Variants in RAB20 observed in about 807,000 individuals in gnomAD.
RAB20 encodes the protein RAB20, member RAS oncogene family, also known as ras-related protein Rab-20.
Under a neutral mutation model 3.7 loss-of-function variants are expected in RAB20, and 2 were observed. The ratio of observed to expected loss-of-function variants is 0.54; its 90% CI spans 0.22 to 1.69. RAB20 has a LOEUF of 1.69. Among genes scored for constraint, RAB20 ranks in the 40% most tolerant of loss-of-function variants. RAB20 has a pLI of 0.19. For missense variants in RAB20, 276 were observed against 311.9 expected (o/e 0.88, Z 0.87); for synonymous variants, 126 against 130.8 (o/e 0.96, Z 0.25).
chr13:110,523,939 C>T lies in RAB20; in HGVS notation c.431G>A (p.Arg144Lys). 5 of 1,614,168 alleles carry T rather than the reference C, an allele frequency of 3.1e-6. No homozygotes were observed. The highest frequency in any genetic ancestry group is 4.2e-6 in the Non-Finnish European group (5 of 1,180,024). Residue 144 changes from arginine to lysine, a missense_variant, in exon 2 of 2, where the codon AGG becomes AAG. By Grantham distance (26) the Arg-to-Lys change is conservative (BLOSUM62 2). Transcript: ENST00000267328. The stretch of plus-strand genomic sequence containing the variant: ...CTCCAGCTGCACCTGCTTAGGTGCC[C>T]TTGGGGAGACACGGTCCCCAGCGTC... ...NMDAGDRVSPRAPKQVQLEDA... is the reference protein window; with the variant it reads ...NMDAGDRVSPKAPKQVQLEDA...
At chr13:110,525,717 G>A (rs368817) in intron 1 of RAB20, among the ~76,000 whole-genome samples, 106,718 of 152,244 alleles carry the variant, frequency 0.7, 37,534 homozygotes, top group Middle Eastern at 0.73. Context: ...AGCCGAGCAC[G>A]CCTGCTGGTA....
chr13:110,548,445 C>T (rs994904643), intron 1 of RAB20, among the ~76,000 whole-genome samples: 20 of 151,986 alleles, frequency 1.3e-4, no homozygotes, highest in Admixed American at 6.6e-4. Flanking sequence ...GATCACACCA[C>T]TGTACTCCAG....
chr13:110,543,503 T>G (rs1884801303), intron 1 of RAB20, among the ~76,000 whole-genome samples: 1 of 152,238 alleles, frequency 6.6e-6, no homozygotes, highest in Non-Finnish European at 1.5e-5. Flanking sequence ...ATTTTGGATA[T>G]TAATCCCTTA....
chr13:110,561,525 CG>C lies in RAB20; in HGVS notation c.-7del. 2.6e-6 allele frequency: 4 copies of C among 1,560,266 alleles called. No individual in the cohort carries two copies. The highest frequency in any genetic ancestry group is 3.5e-6 in the Non-Finnish European group (4 of 1,153,750). On this transcript the variant is annotated 5_prime_UTR_variant, in exon 1 of 2. Transcript: ENST00000267328. Reference sequence around the variant, plus strand: ...TTGCTGTCGGGCTTCCTCATCTTCCCGTAAGAACCCCCAGCGCCCCCGCGCC... The same window carrying C: ...TTGCTGTCGGGCTTCCTCATCTTCCCTAAGAACCCCCAGCGCCCCCGCGCC...
chr13:110,530,119 C>T (rs1462639353), intron 1 of RAB20, among the ~76,000 whole-genome samples: 1 of 150,886 alleles, frequency 6.6e-6, no homozygotes, highest in Non-Finnish European at 1.5e-5. Flanking sequence ...GAGGCAGGTC[C>T]CACCACCCCA....
intron 1 of RAB20, among the ~76,000 whole-genome samples, chr13:110,550,226 CTG>C (rs1462904819): frequency 2.0e-5 from 3 of 152,206 alleles, no homozygotes; most frequent in African/African-American, 7.2e-5. Flanking sequence ...GACCCCAACT[CTG>C]TGGCACCCCA....
In RAB20 at chr13:110,561,548, C is replaced by T. The variant is rs1216839977; in HGVS notation, c.-29G>A. ...CCCGTAAGAACCCCCAGCGCCCCCG[C>T]GCCCTCTCCCCGAGGCTGGCCGGCT... is the stretch of plus-strand genomic sequence containing the variant. On this transcript the variant is annotated 5_prime_UTR_variant, in exon 1 of 2. Coordinates refer to ENST00000267328, the MANE Select transcript of RAB20 (RefSeq NM_017817.3). 1 of 1,536,220 alleles carries T rather than the reference C, an allele frequency of 6.5e-7. No homozygotes were observed. Among genetic ancestry groups the T allele is most frequent in the Non-Finnish European group, 8.8e-7 (1 of 1,142,508 alleles).
chr13:110,532,431 C>A (rs1884557777), intron 1 of RAB20, among the ~76,000 whole-genome samples: 2 of 152,114 alleles, frequency 1.3e-5, no homozygotes, highest in African/African-American at 2.4e-5. Flanking sequence ...GGCTGGAGTG[C>A]AGTGATGCAA....
chr13:110,543,289 T>C (rs1884797249), intron 1 of RAB20, among the ~76,000 whole-genome samples: 1 of 152,104 alleles, frequency 6.6e-6, no homozygotes, highest in African/African-American at 2.4e-5. Context: ...CCACCTCCCC[T>C]GGCTAATTTT....
intron 1 of RAB20, among the ~76,000 whole-genome samples, chr13:110,554,362 C>T (rs1446888819): frequency 6.6e-6 from 1 of 152,188 alleles, no homozygotes; most frequent in Non-Finnish European, 1.5e-5. Context: ...GCCTCCACCC[C>T]ATTCCGTTAG....
rs1394234153 is a variant in RAB20 at position 110,561,451 on chromosome 13, C to T, written c.69G>A (p.Gln23=). The part of the protein sequence containing the change: ...DMNVGKTSLL[Q]RYMERRFPDT... ...CCGGGAAGCGCCGCTCCATATACCG[C>T]TGCAGCAGCGACGTCTTCCCCACGT... The change falls in exon 1 of 2, where the codon CAG becomes CAA. Residue 23 remains glutamine (Q), a synonymous_variant. Coordinates refer to ENST00000267328, the MANE Select transcript of RAB20 (RefSeq NM_017817.3). The T allele has an allele frequency of 1.9e-6, 3 of 1,606,276 alleles. No homozygotes were observed. Among genetic ancestry groups the T allele is most frequent in the Non-Finnish European group, 1.7e-6 (2 of 1,176,468 alleles).
intron 1 of RAB20, among the ~76,000 whole-genome samples, chr13:110,533,281 T>C (rs1480000374): frequency 6.6e-6 from 1 of 152,220 alleles, no homozygotes; most frequent in African/African-American, 2.4e-5. Flanking sequence ...TTTTGTAAAG[T>C]TGATGAGTTT....
chr13:110,539,919 T>G (rs1344365240), intron 1 of RAB20, among the ~76,000 whole-genome samples: 1 of 152,246 alleles, frequency 6.6e-6, no homozygotes, highest in Non-Finnish European at 1.5e-5. Flanking sequence ...TTCTTGATGA[T>G]CTGAAGGATA....
intron 1 of RAB20, among the ~76,000 whole-genome samples, chr13:110,535,639 T>C (rs1011339108): frequency 2.0e-5 from 3 of 152,242 alleles, no homozygotes; most frequent in African/African-American, 2.4e-5. Context: ...TTCCATTAAA[T>C]GCCTGTGCAG....
Position 110,530,050 on chromosome 13 carries a change from C to T in RAB20, c.173-5853G>A, listed in dbSNP as rs554536882. 3.1e-4 allele frequency among the ~76,000 whole-genome samples: 47 copies of T among 152,306 alleles called. No homozygotes were observed. The South Asian group carries it at 5.6e-3, about 18-fold the overall frequency. On this transcript the variant is annotated intron_variant, in intron 1 of 1. Coordinates refer to ENST00000267328, the MANE Select transcript of RAB20 (RefSeq NM_017817.3). ...CAGCAAAACTGACCAGGACTTTAACCGTGAGTTCAGAGCAGCCAGAAATGA... is the reference window on the plus strand; with the variant it reads ...CAGCAAAACTGACCAGGACTTTAACTGTGAGTTCAGAGCAGCCAGAAATGA...
intron 1 of RAB20, among the ~76,000 whole-genome samples, chr13:110,560,114 C>A (rs1010832978): frequency 6.6e-6 from 1 of 152,166 alleles, no homozygotes; most frequent in Admixed American, 6.5e-5. Flanking sequence ...ACTTCTAGAG[C>A]GTGTGTTCCA....
At chr13:110,524,674 T>C (rs430375) in intron 1 of RAB20, among the ~76,000 whole-genome samples, 111,245 of 152,172 alleles carry the variant, frequency 0.73, 40,845 homozygotes, top group African/African-American at 0.79. Context: ...ACCCCCTGGG[T>C]GCTCCCAGCT....
rs1885138520 is a variant in RAB20, at chr13:110,561,632, C to T, written c.-113G>A. On this transcript the variant is annotated 5_prime_UTR_variant, in exon 1 of 2. Transcript: ENST00000267328. ...CCGGACTCGCCGGGACCCGGATTCT[C>T]GTGAACGCTCCGGGACCTTCGCCTC... 10 of 1,468,588 alleles carry T rather than the reference C, an allele frequency of 6.8e-6. No homozygotes were observed. Among genetic ancestry groups the T allele is most frequent in the Middle Eastern group, 2.2e-4 (1 of 4,620 alleles). 91.0% of individuals were successfully genotyped at this position (1,468,588 alleles called of 1,614,324 possible). A position where few individuals can be genotyped will look rare whatever the true frequency, so the allele number is the denominator to read the frequency against.
At chr13:110,542,628 C>T (rs1033652209) in intron 1 of RAB20, among the ~76,000 whole-genome samples, 5 of 152,124 alleles carry the variant, frequency 3.3e-5, no homozygotes, top group Non-Finnish European at 5.9e-5. Context: ...TGATGTCCTC[C>T]GGGTTCACAA....
Sources: gnomAD v4.1 joint callset for allele counts (sites outside exome capture counted in the v4.1 genomes callset) on GRCh38, gnomAD v4.1.1 for gene constraint, MANE v1.5 for transcripts, NCBI Gene and HGNC (gene_info 2026-07-23, HGNC 2026-07-21) for gene names.